Variants in CARNMT1 observed in about 807,000 individuals in gnomAD.
CARNMT1 encodes protein-L-histidine N-pros-methyltransferase CARNMT1.
CARNMT1 carries 28 observed loss-of-function variants against 49.6 expected under a neutral mutation model. The ratio of observed to expected loss-of-function variants is 0.56; its 90% CI spans 0.42 to 0.77. The LOEUF is 0.77. CARNMT1 is among the 30% of genes least tolerant of loss of function. CARNMT1 has a pLI of 0.00. For missense variants in CARNMT1, 421 were observed against 512.6 expected, an observed-to-expected ratio of 0.82 and a Z score of 1.73; for synonymous variants, 178 against 175.0, an observed-to-expected ratio of 1.02 and a Z score of -0.13.
intron 3 of CARNMT1, among the ~76,000 whole-genome samples, chr9:75,004,798 T>A (rs1833455233): frequency 6.6e-6 from 1 of 152,024 alleles, no homozygotes; most frequent in Non-Finnish European, 1.5e-5. Context: ...CTTTTTGGAG[T>A]GTTTGTGTAT....
In CARNMT1 at chr9:74,986,385, A is replaced by G. The variant is rs139756775; in HGVS notation, c.1025-1375T>C. 6.1e-3 allele frequency among the ~76,000 whole-genome samples: 934 copies of G among 152,328 alleles called. 2 individuals are homozygous for G. The highest frequency in any genetic ancestry group is 9.6e-3 in the Non-Finnish European group (654 of 68,028). ...TATAATGTATATGTTAGTGCTACTT[A>G]CAAAAGATAACAATGGTTCCTTATC... On this transcript the variant is annotated intron_variant, in intron 6 of 7. Transcript: ENST00000376834.
chr9:75,014,153 A>G (rs1833779910), intron 3 of CARNMT1, among the ~76,000 whole-genome samples: 2 of 152,096 alleles, frequency 1.3e-5, no homozygotes, highest in Non-Finnish European at 2.9e-5. Flanking sequence ...TTAAAGGGAG[A>G]GCTAATTTGG....
chr9:75,027,777 G>C (rs936057809), intron 1 of CARNMT1, among the ~76,000 whole-genome samples: 2 of 152,242 alleles, frequency 1.3e-5, no homozygotes, highest in Non-Finnish European at 2.9e-5. Context: ...CTGATCCTGA[G>C]GTCAGAAGAC....
intron 1 of CARNMT1, among the ~76,000 whole-genome samples, chr9:75,020,267 C>CTTCTTTTTTTTTTTTT (rs755164469): frequency 2.4e-5 from 3 of 124,294 alleles, no homozygotes; most frequent in Non-Finnish European, 5.1e-5. Flanking sequence ...CATTTTTCTT[C>CTTCTTTTTTTTTTTTT]TTTTTTTTTT....
chr9:74,997,992 C>T (rs111936555), intron 5 of CARNMT1, among the ~76,000 whole-genome samples: 4 of 152,208 alleles, frequency 2.6e-5, no homozygotes, highest in African/African-American at 4.8e-5. Flanking sequence ...GCCAATCTCC[C>T]TCTCCACTTT....
intron 7 of CARNMT1, 132 bp downstream of exon 7, chr9:74,984,775 T>A: frequency 1.6e-6 from 1 of 628,050 alleles, no homozygotes; most frequent in Non-Finnish European, 2.8e-6. Context: ...TAGGGGATAC[T>A]CAACCTGTAT....
intron 6 of CARNMT1, among the ~76,000 whole-genome samples, chr9:74,985,471 C>T (rs1832807326): frequency 6.6e-6 from 1 of 152,144 alleles, no homozygotes; most frequent in Non-Finnish European, 1.5e-5. Context: ...GAAGAAGTAA[C>T]ATTAGAGCTG....
At chr9:75,011,656 T>G (rs1227386051) in intron 3 of CARNMT1, among the ~76,000 whole-genome samples, 1 of 152,188 alleles carries the variant, frequency 6.6e-6, no homozygotes, top group Non-Finnish European at 1.5e-5. Flanking sequence ...ACATGAGCCT[T>G]GACACCCAGC....
In CARNMT1 at chr9:75,010,516, T is replaced by C. The variant is rs1026203643; in HGVS notation, c.590+5752A>G. On this transcript the variant is annotated intron_variant, in intron 3 of 7. Coordinates refer to ENST00000376834, the MANE Select transcript of CARNMT1 (RefSeq NM_152420.3). ...TTAACAGAAATTATCCAAACTATACTATAAAGGGCTGGGAGGAGAAGGAGT... is the reference window on the plus strand; with the variant it reads ...TTAACAGAAATTATCCAAACTATACCATAAAGGGCTGGGAGGAGAAGGAGT... Among the ~76,000 whole-genome samples, 5 of 152,224 alleles carry C rather than the reference T, an allele frequency of 3.3e-5. No homozygotes were observed. In the East Asian group the frequency reaches 7.7e-4, roughly 23 times the overall value.
At chr9:74,998,090 A>C (rs1337194523) in intron 5 of CARNMT1, among the ~76,000 whole-genome samples, 1 of 152,168 alleles carries the variant, frequency 6.6e-6, no homozygotes, top group Non-Finnish European at 1.5e-5. Flanking sequence ...GCCTGACTAT[A>C]CAAGTCCTCC....
intron 3 of CARNMT1, among the ~76,000 whole-genome samples, chr9:75,011,455 C>T (rs907622910): frequency 3.3e-5 from 5 of 152,260 alleles, no homozygotes; most frequent in South Asian, 4.1e-4. Flanking sequence ...ACTTTGAATT[C>T]CTGGGCTCAA....
At chr9:74,996,316 T>G in intron 6 of CARNMT1, 131 bp downstream of exon 6, 1 of 584,010 alleles carries the variant, frequency 1.7e-6, no homozygotes, top group Non-Finnish European at 3.0e-6. Flanking sequence ...TAAAGGAAAC[T>G]GTAGTGGTTT....
At chr9:75,007,359 T>C (rs138053993) in intron 3 of CARNMT1, among the ~76,000 whole-genome samples, 125 of 152,232 alleles carry the variant, frequency 8.2e-4, no homozygotes, top group Non-Finnish European at 1.1e-3. Context: ...AGAAAAAACA[T>C]ATATATCATC....
rs986059877 is a variant in CARNMT1, at chr9:74,981,573, A to T, written c.*2194T>A. The stretch of plus-strand genomic sequence containing the variant: ...ATTTGTATAGAACATTTAAAAAACA[A>T]TATTCATGATATGAGGGATAAATTA... On this transcript the variant is annotated 3_prime_UTR_variant, in exon 8 of 8. Coordinates refer to ENST00000376834, the MANE Select transcript of CARNMT1 (RefSeq NM_152420.3). 6 of 152,184 alleles carry T rather than the reference A, an allele frequency of 3.9e-5. No homozygotes were observed. Among genetic ancestry groups the T allele is most frequent in the African/African-American group, 1.4e-4 (6 of 41,472 alleles). 9.4% of individuals were successfully genotyped at this position (152,184 alleles called of 1,614,324 possible).
chr9:75,009,045 T>A (rs894745279), intron 3 of CARNMT1, among the ~76,000 whole-genome samples: 23 of 145,342 alleles, frequency 1.6e-4, no homozygotes, highest in African/African-American at 4.0e-4. Flanking sequence ...GACCATTCAA[T>A]CGGGAAAGGA....
At chr9:74,984,797 T>C in intron 7 of CARNMT1, 110 bp downstream of exon 7, 1 of 698,646 alleles carries the variant, frequency 1.4e-6, no homozygotes, top group East Asian at 2.6e-5. Flanking sequence ...ATCTTCCCTT[T>C]ATAGATAAGA....
chr9:74,986,537 CAG>C (rs957674195), intron 6 of CARNMT1, among the ~76,000 whole-genome samples: 18 of 152,216 alleles, frequency 1.2e-4, no homozygotes, highest in South Asian at 4.1e-4. Flanking sequence ...AGCCTCACAG[CAG>C]AGTCTTTCCA....
Position 75,028,223 on chromosome 9 carries a change from G to T in CARNMT1, c.19C>A (p.Pro7Thr), listed in dbSNP as rs774052999. The T allele has an allele frequency of 5.6e-5, 79 of 1,400,326 alleles. No homozygotes were observed. In the African/African-American group the frequency reaches 9.9e-4, roughly 18 times the overall value. The allele number at this position is 1,400,326 out of a possible 1,614,324, so 86.7% of individuals were successfully genotyped here. ...GGCAGCCGGGAGGTGGGCGGCGGAG[G>T]GCGACGCCGTCGCTGCATCGCCGCC... The part of the protein sequence containing the change: MQRRRR[P>T]PPPTSRLPEG... Residue 7 changes from proline to threonine, a missense_variant, in exon 1 of 8, where the codon CCT (proline) becomes ACT (threonine). Physicochemically the swap from Pro to Thr is conservative, Grantham distance 38. Transcript: ENST00000376834.
chr9:75,016,380 A>C lies in CARNMT1; in HGVS notation c.478T>G (p.Ser160Ala). Residue 160 changes from serine (S) to alanine (A), a missense_variant, in exon 3 of 8, where the codon TCC (serine) becomes GCC (alanine). By Grantham distance (99) the Ser-to-Ala change is moderately conservative. Coordinates refer to ENST00000376834, the MANE Select transcript of CARNMT1 (RefSeq NM_152420.3). Reference sequence around the variant, plus strand: ...TCTCTCACAAACTGTTTCAGCGTGGATTTTAACTTATCCATGTCAAATGTA... The same window carrying C: ...TCTCTCACAAACTGTTTCAGCGTGGCTTTTAACTTATCCATGTCAAATGTA... Reference protein sequence around the residue: ...ASTFDMDKLKSTLKQFVRDWS... With the variant: ...ASTFDMDKLKATLKQFVRDWS... 1 of 1,614,074 alleles carries C rather than the reference A, an allele frequency of 6.2e-7. No homozygotes were observed. The highest frequency in any genetic ancestry group is 8.5e-7 in the Non-Finnish European group (1 of 1,179,998).
Sources: allele counts gnomAD v4.1 joint callset (sites outside exome capture counted in the v4.1 genomes callset), GRCh38; gene constraint gnomAD v4.1.1; transcripts MANE v1.5; gene names NCBI Gene and HGNC (gene_info 2026-07-23, HGNC 2026-07-21).